Variants in RNF213 observed in about 807,000 individuals in gnomAD.
RNF213 encodes E3 ubiquitin-protein ligase RNF213.
In RNF213, 341 loss-of-function variants were observed where a neutral mutation model predicts 514.4. The observed-to-expected ratio is 0.66, with a 90% CI of 0.61 to 0.73. The LOEUF (loss-of-function observed/expected upper bound fraction) is 0.73, where lower values mean the gene tolerates loss of function less well. Among genes scored for constraint, RNF213 ranks in the 30% least tolerant of loss-of-function variants. RNF213 has a pLI of 0.00. For synonymous variants in RNF213, 2,655 were observed against 2,658.2 expected (o/e 1.00, Z 0.04); for missense variants, 5,767 against 6,615.6 (o/e 0.87, Z 4.45).
intron 2 of RNF213, among the ~76,000 whole-genome samples, chr17:80,268,023 T>G (rs1018928867): frequency 2.6e-5 from 4 of 151,980 alleles, no homozygotes; most frequent in Non-Finnish European, 5.9e-5. Flanking sequence ...TTTCTCCATA[T>G]TAGCATTGCT....
rs369783438 is a variant in RNF213 at position 80,386,440 on chromosome 17, C to T, written c.14720+10C>T. 285 of 1,613,700 alleles carry T rather than the reference C, an allele frequency of 1.8e-4. No individual in the cohort carries two copies. Among genetic ancestry groups the T allele is most frequent in the Non-Finnish European group, 2.2e-4 (264 of 1,179,930 alleles). Reference sequence around the variant, plus strand: ...CCAAGGAAAACAACAGGTTTGTGCACGAGCCACCAGGAAGTGGTGCCTGCT... The same window carrying T: ...CCAAGGAAAACAACAGGTTTGTGCATGAGCCACCAGGAAGTGGTGCCTGCT... On this transcript the variant is annotated intron_variant, in intron 62 of 67. Coordinates refer to ENST00000582970, the MANE Select transcript of RNF213 (RefSeq NM_001256071.3).
In RNF213 at chr17:80,353,884, C is replaced by T. The variant is rs947163498; in HGVS notation, c.10579-135C>T. The stretch of plus-strand genomic sequence containing the variant: ...TTGGGGGGTGCAGGGCGGAGGTCGG[C>T]GTCTCTTCTTTGTCCGTGAGGACCG... On this transcript the variant is annotated intron_variant, in intron 34 of 67. Coordinates refer to ENST00000582970, the MANE Select transcript of RNF213 (RefSeq NM_001256071.3). The surrounding 1 kb of genome is among the most constrained non-coding windows in gnomAD (Gnocchi z 5.0). 1.3e-5 allele frequency: 16 copies of T among 1,278,180 alleles called. No individual in the cohort carries two copies. Among genetic ancestry groups the T allele is most frequent in the Admixed American group, 3.9e-5 (2 of 51,706 alleles). 79.2% of individuals were successfully genotyped at this position (1,278,180 alleles called of 1,614,324 possible). A position where few individuals can be genotyped will look rare whatever the true frequency, so the allele number is the denominator to read the frequency against.
At position 80,290,559 on chromosome 17, in the gene RNF213, T is replaced by C. The variant is rs1236237358; in HGVS notation, c.1113-11T>C. On this transcript the variant is annotated splice_polypyrimidine_tract_variant and intron_variant, in intron 6 of 67. Coordinates refer to ENST00000582970, the MANE Select transcript of RNF213 (RefSeq NM_001256071.3). ...CACGGGAATCAGATTTCTGTTTTGG[T>C]TTTCCACCAGCACGCTGAGCCCGGG... 2 of 1,613,420 alleles carry C rather than the reference T, an allele frequency of 1.2e-6. No individual in the cohort carries two copies. The highest frequency in any genetic ancestry group is 3.3e-5 in the Admixed American group (2 of 60,026).
In RNF213 at chr17:80,389,897, C is replaced by T; in HGVS notation, c.15265C>T (p.Gln5089Ter). The T allele has an allele frequency of 5.0e-6, 8 of 1,614,240 alleles. No individual in the cohort carries two copies. Among genetic ancestry groups the T allele is most frequent in the African/African-American group, 1.3e-5 (1 of 75,060 alleles). Reference protein sequence around the residue: ...WQFLSAHKSEQLLRLHKEPFG... With the variant: ...WQFLSAHKSE ...GTTCCTGTCTGCTCATAAGTCTGAA[C>T]AGCTGCTGCGGCTGCACAAAGTAAG... The change falls in exon 66 of 68, where the codon CAG becomes TAG. Residue 5089 changes from glutamine to a stop codon, truncating the protein, a stop_gained. Coordinates refer to ENST00000582970, the MANE Select transcript of RNF213 (RefSeq NM_001256071.3). LOFTEE classifies it high-confidence loss of function.
intron 17 of RNF213, chr17:80,319,902 G>A (rs906725540): frequency 4.8e-5 from 51 of 1,068,790 alleles, no homozygotes; most frequent in Non-Finnish European, 4.2e-5. Flanking sequence ...CAGCCTTGCG[G>A]CCACAGGGGA....
chr17:80,291,655 T>C lies in RNF213; in HGVS notation c.1299T>C (p.Val433=), dbSNP rs761358589. 47 of 1,614,140 alleles carry C rather than the reference T, an allele frequency of 2.9e-5. No homozygotes were observed. Among genetic ancestry groups the C allele is most frequent in the South Asian group, 5.5e-5 (5 of 91,094 alleles). The change falls in exon 8 of 68, where the codon GTT becomes GTC. Residue 433 remains valine (V), a synonymous_variant. Transcript: ENST00000582970. Reference sequence around the variant, plus strand: ...ACTTGGGTCATGACCGCGTTCTTGTTGAAGGCATTGTCTGCATTTCCAAGA... The same window carrying C: ...ACTTGGGTCATGACCGCGTTCTTGTCGAAGGCATTGTCTGCATTTCCAAGA... The part of the protein sequence containing the change: ...TRDLGHDRVL[V]EGIVCISKKH...
chr17:80,364,726 T>C, intron 42 of RNF213, 173 bp downstream of exon 42: 1 of 731,538 alleles, frequency 1.4e-6, no homozygotes, highest in Non-Finnish European at 2.3e-6. Context: ...CCATGTTTAA[T>C]TGTTTAATTA....
At chr17:80,295,880 A>G in intron 10 of RNF213, 67 bp downstream of exon 10, 2 of 1,576,298 alleles carry the variant, frequency 1.3e-6, no homozygotes, top group Non-Finnish European at 1.7e-6. Context: ...TTGCAAAAAT[A>G]AGTGCTTGAC....
intron 21 of RNF213, 119 bp downstream of exon 21, chr17:80,332,750 G>C (rs2046450924): frequency 8.3e-7 from 1 of 1,206,558 alleles, no homozygotes; most frequent in Non-Finnish European, 1.1e-6. Context: ...TTCCGTCAGG[G>C]GCTCCTGTGT....
chr17:80,328,709 G>A (rs1047026122), intron 20 of RNF213, among the ~76,000 whole-genome samples: 2 of 152,042 alleles, frequency 1.3e-5, no homozygotes, highest in African/African-American at 4.8e-5. Flanking sequence ...TTTTTCCGGA[G>A]TCAGCATGAG....
At chr17:80,386,145 C>T (rs903996328) in intron 61 of RNF213, 105 bp from the exon 62 acceptor site, 11 of 1,128,692 alleles carry the variant, frequency 9.7e-6, no homozygotes, top group Admixed American at 1.7e-5. Flanking sequence ...ACCCGGCTCC[C>T]GGCTGTGTGT....
Position 80,386,303 on chromosome 17 carries a change from G to T in RNF213, c.14593G>T (p.Glu4865Ter), listed in dbSNP as rs550845947. 1 of 1,613,520 alleles carries T rather than the reference G, an allele frequency of 6.2e-7. No individual in the cohort carries two copies. The highest frequency in any genetic ancestry group is 2.2e-5 in the East Asian group (1 of 44,868). ...YCSTDLDLDT[E>*]FEILLPRRRG... ...CAGCACTGACTTGGATCTGGACACT[G>T]AGTTTGAGATCCTCTTGCCACGCCG... The change falls in exon 62 of 68, where the codon GAG (glutamate) becomes TAG (stop). Residue 4865 changes from glutamate to a stop codon, truncating the protein, a stop_gained. Transcript: ENST00000582970. LOFTEE classifies it high-confidence loss of function.
chr17:80,356,619 T>C (rs1342134595), intron 36 of RNF213, among the ~76,000 whole-genome samples: 1 of 152,232 alleles, frequency 6.6e-6, no homozygotes, highest in Non-Finnish European at 1.5e-5. Context: ...TCTGCCTGCC[T>C]GTCCAGATAC....
Position 80,333,339 on chromosome 17 carries a change from C to T in RNF213, c.4143+708C>T, listed in dbSNP as rs371467373. On this transcript the variant is annotated intron_variant, in intron 21 of 67. Transcript: ENST00000582970. ...CCTCCCAAAGTGCTGGGATTACAGG[C>T]GTGAGCCACCGTGCCCGGCTGAGTC... 1.9e-4 allele frequency among the ~76,000 whole-genome samples: 29 copies of T among 148,842 alleles called. No individual in the cohort carries two copies. In the East Asian group the frequency reaches 3.6e-3, roughly 19 times the overall value.
intron 23 of RNF213, 25 bp downstream of exon 23, chr17:80,336,403 CAG>C: frequency 6.5e-7 from 1 of 1,530,840 alleles, no homozygotes; most frequent in Non-Finnish European, 8.8e-7. Flanking sequence ...GTCTCTAATG[CAG>C]ATTTTGTTGA....
chr17:80,354,249 G>A, intron 35 of RNF213, 83 bp downstream of exon 35: 3 of 1,536,162 alleles, frequency 2.0e-6, no homozygotes, highest in East Asian at 4.5e-5. Context: ...GTGTGTTGGG[G>A]GACACCCTCT....
chr17:80,300,223 T>G (rs1224892644), intron 11 of RNF213, among the ~76,000 whole-genome samples: 1 of 152,072 alleles, frequency 6.6e-6, no homozygotes, highest in Non-Finnish European at 1.5e-5. Flanking sequence ...TTTTTTTACC[T>G]TTTAATAGCA....
At chr17:80,313,778 GAT>G (rs2045680475) in intron 15 of RNF213, among the ~76,000 whole-genome samples, 19 of 147,090 alleles carry the variant, frequency 1.3e-4, no homozygotes, top group South Asian at 2.1e-4. Context: ...TACTGGAGGT[GAT>G]GGTGGTGGTG....
At position 80,290,449 on chromosome 17, in the gene RNF213, G is replaced by C. The variant is rs1039055357; in HGVS notation, c.1113-121G>C. 31 of 1,196,892 alleles carry C rather than the reference G, an allele frequency of 2.6e-5. No individual in the cohort carries two copies. In the South Asian group the frequency reaches 3.8e-4, roughly 15 times the overall value. The allele number at this position is 1,196,892 out of a possible 1,614,324, so 74.1% of individuals were successfully genotyped here. A position where few individuals can be genotyped will look rare whatever the true frequency, so the allele number is the denominator to read the frequency against. The stretch of plus-strand genomic sequence containing the variant: ...AGTGTGCGCGTGTGTGCATGTGTGT[G>C]TGCGAGTGCATGTGTGTGTGCACGT... On this transcript the variant is annotated intron_variant, in intron 6 of 67. Transcript: ENST00000582970.
Sources: gnomAD v4.1 joint callset for allele counts (sites outside exome capture counted in the v4.1 genomes callset) on GRCh38, gnomAD v4.1.1 for gene constraint, Gnocchi (gnomAD v3.1) non-coding constraint, MANE v1.5 for transcripts, NCBI Gene and HGNC (gene_info 2026-07-23, HGNC 2026-07-21) for gene names.